CCBE1: variants seen among roughly 807,000 people sequenced by gnomAD.
CCBE1 encodes collagen and calcium-binding EGF domain-containing protein 1.
Under a neutral mutation model 50.0 loss-of-function variants are expected in CCBE1, and 37 were observed. That is an observed-to-expected ratio of 0.74 (90% CI 0.57 to 0.97). CCBE1 has a LOEUF of 0.97. CCBE1 is among the 50% of genes least tolerant of loss of function. The pLI is 0.00. For missense variants in CCBE1, 538 were observed against 523.8 expected (o/e 1.03, Z -0.26); for synonymous variants, 234 against 203.7 (o/e 1.15, Z -1.27).
chr18:59,558,594 T>C (rs2052686418), intron 2 of CCBE1, among the ~76,000 whole-genome samples: 2 of 152,222 alleles, frequency 1.3e-5, no homozygotes, highest in Non-Finnish European at 2.9e-5. Context: ...ATAACTGCCC[T>C]GCTGATGCTG....
At chr18:59,598,317 A>C (rs1457013318) in intron 2 of CCBE1, among the ~76,000 whole-genome samples, 2 of 152,142 alleles carry the variant, frequency 1.3e-5, no homozygotes, top group Non-Finnish European at 2.9e-5. Flanking sequence ...TCGCCCCCTC[A>C]CCGCTGTGGG....
At chr18:59,695,429 A>AC (rs996513142) in intron 2 of CCBE1, among the ~76,000 whole-genome samples, 1 of 151,798 alleles carries the variant, frequency 6.6e-6, no homozygotes, top group South Asian at 2.1e-4. Context: ...TTCAGCATTC[A>AC]CCCCCCGCAC....
At chr18:59,485,765 C>G (rs1486901352) in intron 2 of CCBE1, among the ~76,000 whole-genome samples, 1 of 151,966 alleles carries the variant, frequency 6.6e-6, no homozygotes, top group South Asian at 2.1e-4. Context: ...CGCCTGCCAC[C>G]ACGCTCAGCT....
intron 7 of CCBE1, among the ~76,000 whole-genome samples, chr18:59,441,124 A>AC (rs1322043741): frequency 6.6e-6 from 1 of 152,242 alleles, no homozygotes; most frequent in African/African-American, 2.4e-5. Context: ...AAAAGAAGAG[A>AC]GTACCCATCT....
At chr18:59,594,108 T>C (rs768074416) in intron 2 of CCBE1, among the ~76,000 whole-genome samples, 46 of 152,220 alleles carry the variant, frequency 3.0e-4, no homozygotes, top group Admixed American at 4.6e-4. Flanking sequence ...AAGTTCTCTC[T>C]CCTTCTATGG....
At chr18:59,609,656 T>C (rs1016997517) in intron 2 of CCBE1, among the ~76,000 whole-genome samples, 1 of 152,270 alleles carries the variant, frequency 6.6e-6, no homozygotes, top group African/African-American at 2.4e-5. Flanking sequence ...AAAGTATCTT[T>C]ACTCATGATC....
At chr18:59,594,763 T>C (rs543245176) in intron 2 of CCBE1, among the ~76,000 whole-genome samples, 1 of 152,104 alleles carries the variant, frequency 6.6e-6, no homozygotes, top group Non-Finnish European at 1.5e-5. Flanking sequence ...TGAGTAGGGA[T>C]GAAAGGCGGC....
intron 3 of CCBE1, among the ~76,000 whole-genome samples, chr18:59,473,308 G>T (rs1912125900): frequency 1.3e-5 from 2 of 152,120 alleles, no homozygotes; most frequent in Admixed American, 6.5e-5. Flanking sequence ...TTGTCTTCCA[G>T]CTTTTCAATG....
At chr18:59,617,880 C>A (rs1263521568) in intron 2 of CCBE1, among the ~76,000 whole-genome samples, 2 of 152,190 alleles carry the variant, frequency 1.3e-5, no homozygotes, top group African/African-American at 4.8e-5. Context: ...AGGCACAGTG[C>A]CTGAACTAAT....
In CCBE1 at chr18:59,593,180, G is replaced by A. The variant is rs116365013; in HGVS notation, c.212+103449C>T. Among the ~76,000 whole-genome samples, 1,452 of 152,212 alleles carry A rather than the reference G, an allele frequency of 9.5e-3. 23 individuals are homozygous for A. The highest frequency in any genetic ancestry group is 0.033 in the African/African-American group (1,355 of 41,518). On this transcript the variant is annotated intron_variant, in intron 2 of 10. Transcript: ENST00000439986. ...GTGACTTATACTAAGTGGCATAATCGTTTGGTATTCTAGATCTGTGTTTTT... is the reference window on the plus strand; with the variant it reads ...GTGACTTATACTAAGTGGCATAATCATTTGGTATTCTAGATCTGTGTTTTT...
intron 2 of CCBE1, among the ~76,000 whole-genome samples, chr18:59,659,160 ACCT>A (rs781664227): frequency 1.6e-4 from 24 of 152,078 alleles, no homozygotes; most frequent in Non-Finnish European, 3.5e-4. Flanking sequence ...AAGTACTCTG[ACCT>A]CCTTGGAGAA....
intron 2 of CCBE1, among the ~76,000 whole-genome samples, chr18:59,543,295 G>C (rs977190329): frequency 6.6e-6 from 1 of 152,140 alleles, no homozygotes; most frequent in Non-Finnish European, 1.5e-5. Context: ...TCTGTGCCAG[G>C]CCTCTGCAAA....
chr18:59,642,544 T>G (rs1376550023), intron 2 of CCBE1, among the ~76,000 whole-genome samples: 1 of 152,200 alleles, frequency 6.6e-6, no homozygotes, highest in Non-Finnish European at 1.5e-5. Context: ...GTGTCATAAA[T>G]GCAAAACATA....
At chr18:59,650,048 A>G (rs1009244887) in intron 2 of CCBE1, among the ~76,000 whole-genome samples, 1 of 151,984 alleles carries the variant, frequency 6.6e-6, no homozygotes, top group Non-Finnish European at 1.5e-5. Context: ...GCTGGGAGCC[A>G]CCCTCCAAAG....
intron 5 of CCBE1, among the ~76,000 whole-genome samples, chr18:59,466,279 A>T (rs1268414952): frequency 6.6e-6 from 1 of 151,924 alleles, no homozygotes; most frequent in African/African-American, 2.4e-5. Flanking sequence ...TGCTATTCTC[A>T]TGACAGTGTA....
rs147346973 is a variant in CCBE1, at chr18:59,528,998, G to T, written c.213-48760C>A. Among the ~76,000 whole-genome samples the T allele has an allele frequency of 4.9e-3, 741 of 152,338 alleles. 6 individuals are homozygous for T. The highest frequency in any genetic ancestry group is 0.017 in the African/African-American group (719 of 41,590). ...GCACTCTGGCTGCCTCTTGGCGGAG[G>T]GGGTGTGCTGCGCTGAAGGAAATCT... is the stretch of plus-strand genomic sequence containing the variant. On this transcript the variant is annotated intron_variant, in intron 2 of 10. Coordinates refer to ENST00000439986, the MANE Select transcript of CCBE1 (RefSeq NM_133459.4).
chr18:59,484,057 G>A (rs918708784), intron 2 of CCBE1, among the ~76,000 whole-genome samples: 22 of 152,040 alleles, frequency 1.4e-4, no homozygotes, highest in Admixed American at 6.6e-5. Flanking sequence ...TTTATGATGA[G>A]GTACCAGAAG....
chr18:59,443,516 G>T (rs1296728046), intron 7 of CCBE1, among the ~76,000 whole-genome samples: 3 of 151,340 alleles, frequency 2.0e-5, no homozygotes, highest in Non-Finnish European at 4.4e-5. Flanking sequence ...ACCTAGGCTG[G>T]AGTGCAGTGG....
intron 5 of CCBE1, among the ~76,000 whole-genome samples, chr18:59,458,381 G>A (rs1911304372): frequency 6.7e-6 from 1 of 149,752 alleles, no homozygotes; most frequent in Non-Finnish European, 1.5e-5. Flanking sequence ...CCTGTTGGCA[G>A]AGCGGGGCCG....
Sources: allele counts gnomAD v4.1 joint callset (sites outside exome capture counted in the v4.1 genomes callset), GRCh38; gene constraint gnomAD v4.1.1; transcripts MANE v1.5; gene names NCBI Gene and HGNC (gene_info 2026-07-23, HGNC 2026-07-21).